WWC2: variants seen among roughly 807,000 people sequenced by gnomAD.
The protein encoded by WWC2 is protein WWC2.
A neutral mutation model predicts 138.5 loss-of-function variants in WWC2; 101 were observed. The observed-to-expected ratio is 0.73, with a 90% confidence interval of 0.62 to 0.86. The LOEUF is 0.86. Among genes scored for constraint, WWC2 ranks in the 40% least tolerant of loss-of-function variants. The pLI, the probability that WWC2 is intolerant of heterozygous loss-of-function variation, is 0.00. For missense variants in WWC2, 1,420 were observed against 1,419.4 expected (o/e 1.00, Z -0.01); for synonymous variants, 558 against 538.4 (o/e 1.04, Z -0.50).
rs574430380 is a variant in WWC2, at chr4:183,105,555, C to T, written c.131+5933C>T. On this transcript the variant is annotated intron_variant, in intron 1 of 22. Transcript: ENST00000403733. Reference sequence around the variant, plus strand: ...TTGAGTCTGTATGTATGCCCTGGTTCCTATGAACTTGATTGAAATTGGTTA... The same window carrying T: ...TTGAGTCTGTATGTATGCCCTGGTTTCTATGAACTTGATTGAAATTGGTTA... Among the ~76,000 whole-genome samples, 5 of 152,172 alleles carry T rather than the reference C, an allele frequency of 3.3e-5. No individual in the cohort carries two copies. The South Asian group carries it at 6.2e-4, about 19-fold the overall frequency.
chr4:183,196,559 T>C (rs1445183473), intron 2 of WWC2, among the ~76,000 whole-genome samples: 1 of 152,212 alleles, frequency 6.6e-6, no homozygotes, highest in Non-Finnish European at 1.5e-5. Flanking sequence ...TCTAAGTCTT[T>C]CCCAGAGTCC....
chr4:183,213,663 TA>T (rs1400131008), intron 4 of WWC2, among the ~76,000 whole-genome samples: 1 of 152,308 alleles, frequency 6.6e-6, no homozygotes, highest in East Asian at 1.9e-4. Context: ...TCAAATGGGA[TA>T]ACAGTACTTC....
chr4:183,205,064 T>C (rs973170076), intron 2 of WWC2, among the ~76,000 whole-genome samples: 1 of 152,250 alleles, frequency 6.6e-6, no homozygotes, highest in African/African-American at 2.4e-5. Context: ...AGAGGTCTTT[T>C]TGTAGATACA....
intron 1 of WWC2, among the ~76,000 whole-genome samples, chr4:183,119,445 C>T (rs1234413854): frequency 1.3e-5 from 2 of 151,960 alleles, no homozygotes. Context: ...GAGAATGAAC[C>T]CTGAAGCACT....
intron 4 of WWC2, among the ~76,000 whole-genome samples, chr4:183,223,409 A>T (rs1308203587): frequency 6.6e-6 from 1 of 152,262 alleles, no homozygotes; most frequent in African/African-American, 2.4e-5. Context: ...TATTTCCGTC[A>T]CATCTCATCC....
At chr4:183,242,098 G>T (rs2111315707) in intron 5 of WWC2, among the ~76,000 whole-genome samples, 1 of 152,212 alleles carries the variant, frequency 6.6e-6, no homozygotes, top group Admixed American at 6.5e-5. Context: ...AGAGCAGAAA[G>T]ATATGATATC....
chr4:183,307,708 A>G (rs952581199), intron 21 of WWC2, among the ~76,000 whole-genome samples: 3 of 152,222 alleles, frequency 2.0e-5, no homozygotes, highest in Non-Finnish European at 4.4e-5. Context: ...CAAACTAGGA[A>G]TAAAAGGGAC....
intron 20 of WWC2, among the ~76,000 whole-genome samples, chr4:183,289,153 C>T (rs1221122593): frequency 6.6e-6 from 1 of 152,220 alleles, no homozygotes; most frequent in African/African-American, 2.4e-5. Flanking sequence ...TCTTTGCTCT[C>T]CCTCCAGCAG....
intron 21 of WWC2, among the ~76,000 whole-genome samples, chr4:183,293,701 T>C (rs974776250): frequency 1.3e-5 from 2 of 152,232 alleles, no homozygotes; most frequent in Non-Finnish European, 2.9e-5. Context: ...TTAAAAAATT[T>C]GTAAGTTATT....
intron 16 of WWC2, among the ~76,000 whole-genome samples, chr4:183,272,005 C>T (rs1420651715): frequency 6.6e-6 from 1 of 151,770 alleles, no homozygotes; most frequent in Non-Finnish European, 1.5e-5. Context: ...GACCCTGTCT[C>T]AAAAAAATGG....
chr4:183,122,329 T>C (rs1732629314), intron 1 of WWC2, among the ~76,000 whole-genome samples: 2 of 152,172 alleles, frequency 1.3e-5, no homozygotes, highest in South Asian at 4.1e-4. Flanking sequence ...CATCGATTTA[T>C]GCCTAAAATC....
rs569113649 is a variant in WWC2 at position 183,271,465 on chromosome 4, C to T, written c.2562+224C>T. On this transcript the variant is annotated intron_variant, in intron 16 of 22. Coordinates refer to ENST00000403733, the MANE Select transcript of WWC2 (RefSeq NM_024949.6). ...AAATATGGTTTATAAAAGGAGCACT[C>T]TTTTCTGCTCACACTTCCTTGTAAA... Among the ~76,000 whole-genome samples, 10 of 152,254 alleles carry T rather than the reference C, an allele frequency of 6.6e-5. No homozygotes were observed. The South Asian group carries it at 1.9e-3, about 28-fold the overall frequency.
At chr4:183,249,413 A>G (rs1239229441) in intron 7 of WWC2, among the ~76,000 whole-genome samples, 1 of 152,096 alleles carries the variant, frequency 6.6e-6, no homozygotes, top group East Asian at 1.9e-4. Flanking sequence ...ATTTCTTTTC[A>G]TATTCTTTTA....
At chr4:183,180,782 AAATC>A (rs1419716243) in intron 1 of WWC2, among the ~76,000 whole-genome samples, 1 of 151,418 alleles carries the variant, frequency 6.6e-6, no homozygotes, top group African/African-American at 2.4e-5. Context: ...CAGAAAGGGT[AAATC>A]TGTAGGGACA....
At chr4:183,314,312 A>T (rs1366541378) in intron 22 of WWC2, among the ~76,000 whole-genome samples, 8 of 152,250 alleles carry the variant, frequency 5.3e-5, no homozygotes, top group Non-Finnish European at 1.2e-4. Context: ...AATAAGCAGC[A>T]TTGTCTAGCG....
At position 183,319,659 on chromosome 4, in the gene WWC2, G is replaced by A; in HGVS notation, c.*3930G>A. On this transcript the variant is annotated 3_prime_UTR_variant, in exon 23 of 23. Coordinates refer to ENST00000403733, the MANE Select transcript of WWC2 (RefSeq NM_024949.6). ...AGCTAGGGGAGCGTGGCTGGAGCAGGCTGCACAGTGGAGCAGACACCCTCC... is the reference window on the plus strand; with the variant it reads ...AGCTAGGGGAGCGTGGCTGGAGCAGACTGCACAGTGGAGCAGACACCCTCC... 6.2e-7 allele frequency: 1 copy of A among 1,614,176 alleles called. No individual in the cohort carries two copies. The highest frequency in any genetic ancestry group is 1.1e-5 in the South Asian group (1 of 91,088).
chr4:183,223,193 T>C (rs905881053), intron 4 of WWC2, among the ~76,000 whole-genome samples: 1 of 152,206 alleles, frequency 6.6e-6, no homozygotes, highest in Admixed American at 6.5e-5. Context: ...CCTAAGACAA[T>C]AGGCTATGCC....
chr4:183,113,511 T>TGCGCGC lies in WWC2; in HGVS notation c.131+13890_131+13891insCGCGCG, dbSNP rs764721220. 4.9e-3 allele frequency among the ~76,000 whole-genome samples: 642 copies of TGCGCGC among 130,210 alleles called. 3 individuals carry two copies. The highest frequency in any genetic ancestry group is 6.9e-3 in the Non-Finnish European group (423 of 61,562). The allele number at this position is 130,210 out of a possible 152,430, so 85.4% of individuals were successfully genotyped here. A position where few individuals can be genotyped will look rare whatever the true frequency, so the allele number is the denominator to read the frequency against. ...GTGTGTGTGTGTGTGTGTGTGTGTG[T>TGCGCGC]GTGTGCGCGCGCGTGCGCGCGCACA... On this transcript the variant is annotated intron_variant, in intron 1 of 22. Coordinates refer to ENST00000403733, the MANE Select transcript of WWC2 (RefSeq NM_024949.6).
At chr4:183,215,108 C>A (rs1361406963) in intron 4 of WWC2, among the ~76,000 whole-genome samples, 1 of 152,184 alleles carries the variant, frequency 6.6e-6, no homozygotes, top group African/African-American at 2.4e-5. Flanking sequence ...CCATTGTATA[C>A]TGTTTTCTCC....
Sources: allele counts gnomAD v4.1 joint callset (sites outside exome capture counted in the v4.1 genomes callset), GRCh38; gene constraint gnomAD v4.1.1; transcripts MANE v1.5; gene names NCBI Gene and HGNC (gene_info 2026-07-23, HGNC 2026-07-21).